Variants in CTNNA3 observed in about 807,000 individuals in gnomAD.
CTNNA3 encodes catenin alpha 3.
A neutral mutation model predicts 95.7 loss-of-function variants in CTNNA3; 76 were observed. The observed-to-expected ratio is 0.79, with a 90% confidence interval of 0.66 to 0.96. The LOEUF is 0.96. CTNNA3 is among the 40% of genes least tolerant of loss of function. The probability of loss-of-function intolerance (pLI) is 0.00; values close to 1 mark genes in which losing one functional copy is unlikely to be tolerated. For synonymous variants in CTNNA3, 431 were observed against 374.4 expected (o/e 1.15, Z -1.74); for missense variants, 1,191 against 1,089.8 (o/e 1.09, Z -1.31).
intron 5 of CTNNA3, among the ~76,000 whole-genome samples, chr10:67,419,954 G>A (rs1296486618): frequency 1.3e-5 from 2 of 152,012 alleles, no homozygotes; most frequent in Non-Finnish European, 2.9e-5. Context: ...CAAGTTCAAG[G>A]GATTCTCCCA....
chr10:66,853,158 A>T (rs999276002), intron 7 of CTNNA3, among the ~76,000 whole-genome samples: 1 of 152,152 alleles, frequency 6.6e-6, no homozygotes, highest in East Asian at 1.9e-4. Context: ...TTTATTGTCC[A>T]TAAATAAAGT....
At chr10:66,402,363 G>T (rs2456744) in intron 11 of CTNNA3, among the ~76,000 whole-genome samples, 33,107 of 152,026 alleles carry the variant, frequency 0.22, 4,737 homozygotes, top group African/African-American at 0.42. Flanking sequence ...AAAACACTTT[G>T]TCTTCTTCAT....
chr10:67,633,443 A>C (rs1274998485), intron 2 of CTNNA3, among the ~76,000 whole-genome samples: 2 of 152,214 alleles, frequency 1.3e-5, no homozygotes, highest in African/African-American at 4.8e-5. Flanking sequence ...AGCCCTCCCA[A>C]CAGGAGTCTA....
At chr10:67,219,038 C>G (rs1864523541) in intron 6 of CTNNA3, among the ~76,000 whole-genome samples, 1 of 152,180 alleles carries the variant, frequency 6.6e-6, no homozygotes, top group African/African-American at 2.4e-5. Context: ...CCTAGACACC[C>G]TGGTTTTTAT....
chr10:67,521,983 G>T, intron 4 of CTNNA3, 22 bp from the exon 5 acceptor site: 2 of 1,597,794 alleles, frequency 1.3e-6, no homozygotes, highest in South Asian at 1.1e-5. Flanking sequence ...AACAAAAGTA[G>T]ATCATTAGGA....
rs186531738 is a variant in CTNNA3, at chr10:66,179,721, C to T, written c.1885-76472G>A. 1.2e-4 allele frequency among the ~76,000 whole-genome samples: 18 copies of T among 151,902 alleles called. 1 individual carries two copies. Among genetic ancestry groups the T allele is most frequent in the Admixed American group, 5.2e-4 (8 of 15,242 alleles). On this transcript the variant is annotated intron_variant, in intron 13 of 17. Coordinates refer to ENST00000433211, the MANE Select transcript of CTNNA3 (RefSeq NM_013266.4). Reference sequence around the variant, plus strand: ...TCATTTAAATTTTTAAGTTTTTCTACGGGAAACTTATACTGCTGTGGTAAT... The same window carrying T: ...TCATTTAAATTTTTAAGTTTTTCTATGGGAAACTTATACTGCTGTGGTAAT...
intron 14 of CTNNA3, among the ~76,000 whole-genome samples, chr10:66,079,615 T>C (rs899998322): frequency 1.3e-5 from 2 of 151,944 alleles, no homozygotes; most frequent in Non-Finnish European, 2.9e-5. Flanking sequence ...ACAACAATTT[T>C]CTTGATAAAA....
At chr10:66,653,838 A>C (rs1845990105) in intron 9 of CTNNA3, among the ~76,000 whole-genome samples, 1 of 152,210 alleles carries the variant, frequency 6.6e-6, no homozygotes, top group East Asian at 1.9e-4. Flanking sequence ...GGGTGCCAAG[A>C]ATAGAAAATG....
intron 7 of CTNNA3, among the ~76,000 whole-genome samples, chr10:67,162,011 G>A (rs1402808284): frequency 6.6e-6 from 1 of 152,010 alleles, no homozygotes; most frequent in Non-Finnish European, 1.5e-5. Context: ...TAACAACAGA[G>A]CTATAAATAT....
At chr10:67,168,777 C>T (rs1466017531) in intron 7 of CTNNA3, among the ~76,000 whole-genome samples, 4 of 152,070 alleles carry the variant, frequency 2.6e-5, no homozygotes, top group African/African-American at 9.7e-5. Flanking sequence ...GAAGTCTAAG[C>T]CAAAGCAATC....
At chr10:66,912,668 C>T (rs1205919409) in intron 7 of CTNNA3, among the ~76,000 whole-genome samples, 1 of 152,012 alleles carries the variant, frequency 6.6e-6, no homozygotes, top group African/African-American at 2.4e-5. Context: ...CCCCCAAGAA[C>T]GGTAGTAAAA....
At chr10:67,230,892 C>G (rs1865164754) in intron 5 of CTNNA3, among the ~76,000 whole-genome samples, 1 of 152,172 alleles carries the variant, frequency 6.6e-6, no homozygotes, top group African/African-American at 2.4e-5. Context: ...GTTCCCTTTC[C>G]TAGTCAAAGA....
At chr10:66,133,849 C>T (rs1402589665) in intron 13 of CTNNA3, among the ~76,000 whole-genome samples, 1 of 151,834 alleles carries the variant, frequency 6.6e-6, no homozygotes, top group Non-Finnish European at 1.5e-5. Context: ...TGGATGTGAA[C>T]AACATACTCT....
At chr10:66,795,827 C>T (rs150742053) in intron 7 of CTNNA3, among the ~76,000 whole-genome samples, 2 of 152,174 alleles carry the variant, frequency 1.3e-5, no homozygotes, top group African/African-American at 4.8e-5. Flanking sequence ...TGCTGCTTCA[C>T]CTGGCATTTT....
chr10:67,005,356 T>C (rs530712420), intron 7 of CTNNA3, among the ~76,000 whole-genome samples: 3 of 152,130 alleles, frequency 2.0e-5, no homozygotes, highest in Non-Finnish European at 4.4e-5. Flanking sequence ...ATACACTTTA[T>C]CTAAATCACT....
chr10:67,681,972 A>C lies in CTNNA3; in HGVS notation c.-6+14028T>G, dbSNP rs1589562193. On this transcript the variant is annotated intron_variant, in intron 1 of 17. Transcript: ENST00000433211. ...CAAGATCAAGACCATGCTGGCTAAC[A>C]CAGTAAAACCCCATCTCTACTAAAA... 2.0e-5 allele frequency among the ~76,000 whole-genome samples: 3 copies of C among 151,806 alleles called. No homozygotes were observed. In the East Asian group the frequency reaches 5.8e-4, roughly 29 times the overall value.
chr10:66,372,767 G>A lies in CTNNA3; in HGVS notation c.1732+6385C>T, dbSNP rs145480359. 1.2e-3 allele frequency among the ~76,000 whole-genome samples: 186 copies of A among 152,230 alleles called. 1 individual carries two copies. The highest frequency in any genetic ancestry group is 3.3e-3 in the East Asian group (17 of 5,166). On this transcript the variant is annotated intron_variant, in intron 12 of 17. Coordinates refer to ENST00000433211, the MANE Select transcript of CTNNA3 (RefSeq NM_013266.4). ...GAGACAGGAGAGAGAATGAGTGCCC[G>A]AAAGGGAAATGCCAGATGCTTATAA... is the stretch of plus-strand genomic sequence containing the variant.
intron 7 of CTNNA3, among the ~76,000 whole-genome samples, chr10:67,080,648 G>A (rs942653281): frequency 2.0e-5 from 3 of 152,192 alleles, no homozygotes; most frequent in South Asian, 2.1e-4. Flanking sequence ...GGTGGCTCAC[G>A]CCTGTAATCC....
chr10:66,037,340 A>T (rs115916265), intron 15 of CTNNA3, among the ~76,000 whole-genome samples: 3,280 of 152,290 alleles, frequency 0.022, 116 homozygotes, highest in African/African-American at 0.075. Flanking sequence ...ATTCAGATTA[A>T]TTCTGATCTC....
Sources: gnomAD v4.1 joint callset for allele counts (sites outside exome capture counted in the v4.1 genomes callset) on GRCh38, gnomAD v4.1.1 for gene constraint, MANE v1.5 for transcripts, NCBI Gene and HGNC (gene_info 2026-07-23, HGNC 2026-07-21) for gene names.